The following PTPRT variants were observed in gnomAD, a reference collection of about 807,000 sequenced individuals.
The protein encoded by PTPRT is receptor-type tyrosine-protein phosphatase T.
PTPRT carries 56 observed loss-of-function variants against 176.8 expected under a neutral mutation model. The ratio of observed to expected loss-of-function variants is 0.32; its 90% CI spans 0.26 to 0.40. PTPRT has a LOEUF of 0.40. Ranked by LOEUF, PTPRT falls within the 10% of genes least tolerant of loss-of-function variation. The pLI, the probability that PTPRT is intolerant of heterozygous loss-of-function variation, is 1.00. For synonymous variants in PTPRT, 783 were observed against 739.0 expected (o/e 1.06, Z -0.96); for missense variants, 1,540 against 1,908.2 (o/e 0.81, Z 3.60).
chr20:42,276,532 T>C (rs1289102616), intron 13 of PTPRT, among the ~76,000 whole-genome samples: 3 of 52,094 alleles, frequency 5.8e-5, no homozygotes, highest in African/African-American at 2.1e-4. Context: ...TATATATATA[T>C]ATATATATAT....
At chr20:42,678,625 T>C (rs1424466282) in intron 6 of PTPRT, among the ~76,000 whole-genome samples, 7 of 152,206 alleles carry the variant, frequency 4.6e-5, no homozygotes, top group Non-Finnish European at 4.4e-5. Flanking sequence ...TTAAATCCCA[T>C]TCATGCCCTA....
chr20:42,700,187 A>G (rs2075953853), intron 6 of PTPRT, among the ~76,000 whole-genome samples: 2 of 152,184 alleles, frequency 1.3e-5, no homozygotes, highest in African/African-American at 4.8e-5. Context: ...TGACAAAACG[A>G]AACACAAACC....
At chr20:42,460,624 T>C (rs977505641) in intron 8 of PTPRT, among the ~76,000 whole-genome samples, 6 of 152,226 alleles carry the variant, frequency 3.9e-5, no homozygotes, top group Non-Finnish European at 4.4e-5. Flanking sequence ...AATTAATTCA[T>C]GGGGGCCATT....
chr20:42,925,190 T>C (rs547596914), intron 1 of PTPRT, among the ~76,000 whole-genome samples: 6 of 152,328 alleles, frequency 3.9e-5, no homozygotes, highest in African/African-American at 1.2e-4. Flanking sequence ...CTTTTCCAAA[T>C]GCTAGTAGCA....
In PTPRT at chr20:42,889,794, T is replaced by C. The variant is rs1182029405; in HGVS notation, c.89-3862A>G. On this transcript the variant is annotated intron_variant, in intron 1 of 30. Transcript: ENST00000373187. ...ATACTGCATGATGACAAAAATCAAA[T>C]TGAGGACAGGAAAAGAAAGAAAAGC... is the stretch of plus-strand genomic sequence containing the variant. 2.6e-5 allele frequency among the ~76,000 whole-genome samples: 4 copies of C among 152,140 alleles called. No individual in the cohort carries two copies. In the East Asian group the frequency reaches 5.8e-4, roughly 22 times the overall value.
intron 7 of PTPRT, among the ~76,000 whole-genome samples, chr20:42,558,773 T>C (rs1034677611): frequency 1.3e-5 from 2 of 152,246 alleles, no homozygotes; most frequent in Admixed American, 1.3e-4. Context: ...CCACCGACAA[T>C]ACAGCCACGT....
chr20:43,054,248 C>G (rs1449877614), intron 1 of PTPRT, among the ~76,000 whole-genome samples: 1 of 152,098 alleles, frequency 6.6e-6, no homozygotes, highest in Non-Finnish European at 1.5e-5. Context: ...GTTTTAGGAC[C>G]TTGATCTTAA....
intron 7 of PTPRT, among the ~76,000 whole-genome samples, chr20:42,540,790 T>C (rs1276760296): frequency 6.6e-6 from 1 of 152,130 alleles, no homozygotes; most frequent in Non-Finnish European, 1.5e-5. Context: ...TTGAATAGCA[T>C]TTACATAGTC....
In PTPRT at chr20:43,119,519, C is replaced by T. The variant is rs138752507; in HGVS notation, c.88+70127G>A. Among the ~76,000 whole-genome samples, 7 of 152,320 alleles carry T rather than the reference C, an allele frequency of 4.6e-5. No individual in the cohort carries two copies. The East Asian group carries it at 1.4e-3, about 29-fold the overall frequency. On this transcript the variant is annotated intron_variant, in intron 1 of 30. Transcript: ENST00000373187. The stretch of plus-strand genomic sequence containing the variant: ...GAAGAATCCTATGCATAATCCTTCA[C>T]ATGCATCATGACCCAGATTATACTG...
At chr20:43,188,750 G>GT (rs1001041843) in intron 1 of PTPRT, among the ~76,000 whole-genome samples, 23 of 10,564 alleles carry the variant, frequency 2.2e-3, no homozygotes, top group Non-Finnish European at 6.9e-3. Context: ...CGCTACTCTT[G>GT]GGGGGGGGGG....
intron 7 of PTPRT, among the ~76,000 whole-genome samples, chr20:42,658,504 C>T (rs1400965079): frequency 6.6e-6 from 1 of 152,174 alleles, no homozygotes; most frequent in Non-Finnish European, 1.5e-5. Context: ...AAAGCACACT[C>T]GTTTACAGTA....
At chr20:42,621,132 G>T (rs943154239) in intron 7 of PTPRT, among the ~76,000 whole-genome samples, 4 of 152,110 alleles carry the variant, frequency 2.6e-5, no homozygotes, top group Non-Finnish European at 4.4e-5. Context: ...TGGGGACAAA[G>T]AGCCAAACCA....
intron 6 of PTPRT, among the ~76,000 whole-genome samples, chr20:42,703,725 C>G (rs1372854769): frequency 6.6e-6 from 1 of 152,186 alleles, no homozygotes; most frequent in Non-Finnish European, 1.5e-5. Flanking sequence ...ATACAAGAAT[C>G]CAAGGAACAG....
intron 27 of PTPRT, among the ~76,000 whole-genome samples, chr20:42,096,660 C>G (rs1040676873): frequency 6.6e-6 from 1 of 152,100 alleles, no homozygotes; most frequent in Non-Finnish European, 1.5e-5. Context: ...GGGATCATAG[C>G]TCACTTGAGC....
intron 1 of PTPRT, among the ~76,000 whole-genome samples, chr20:43,014,203 A>G (rs1234445258): frequency 6.6e-6 from 1 of 152,090 alleles, no homozygotes; most frequent in African/African-American, 2.4e-5. Context: ...CTTCCCTGAC[A>G]TGACTCCTGG....
intron 15 of PTPRT, among the ~76,000 whole-genome samples, chr20:42,203,145 G>A (rs561498060): frequency 2.6e-5 from 4 of 152,270 alleles, no homozygotes; most frequent in Admixed American, 6.5e-5. Context: ...GGCAAAGACA[G>A]CTACAAGGTG....
At chr20:42,096,756 A>ATTTTT (rs58111170) in intron 27 of PTPRT, among the ~76,000 whole-genome samples, 18 of 118,866 alleles carry the variant, frequency 1.5e-4, no homozygotes, top group Non-Finnish European at 2.4e-4. Flanking sequence ...GCTAATTAAA[A>ATTTTT]TTTTTTTTTT....
At chr20:42,367,516 A>G (rs183052414) in intron 9 of PTPRT, among the ~76,000 whole-genome samples, 71 of 152,292 alleles carry the variant, frequency 4.7e-4, no homozygotes, top group African/African-American at 1.5e-3. Context: ...GGAAGGTGAG[A>G]GGAGGGGAGA....
chr20:43,098,085 G>A (rs558318784), intron 1 of PTPRT, among the ~76,000 whole-genome samples: 1 of 152,300 alleles, frequency 6.6e-6, no homozygotes, highest in South Asian at 2.1e-4. Flanking sequence ...CCAGAACTCT[G>A]AGTAGAGAAA....
Sources: gnomAD v4.1 joint callset for allele counts (sites outside exome capture counted in the v4.1 genomes callset) on GRCh38, gnomAD v4.1.1 for gene constraint, MANE v1.5 for transcripts, NCBI Gene and HGNC (gene_info 2026-07-23, HGNC 2026-07-21) for gene names.